Variants in KIF4A observed in about 807,000 individuals in gnomAD.
The protein encoded by KIF4A is chromosome-associated kinesin KIF4A.
KIF4A carries 7 observed loss-of-function variants against 105.9 expected under a neutral mutation model. The ratio of observed to expected loss-of-function variants is 0.07; its 90% CI spans 0.04 to 0.12. The LOEUF (loss-of-function observed/expected upper bound fraction) is 0.12, where lower values mean the gene tolerates loss of function less well. Ranked by LOEUF, KIF4A falls within the 10% of genes least tolerant of loss-of-function variation. The pLI is 1.00. For synonymous variants in KIF4A, 281 were observed against 331.3 expected (o/e 0.85, Z 1.65); for missense variants, 558 against 929.2 (o/e 0.60, Z 5.19).
intron 4 of KIF4A, among the ~76,000 whole-genome samples, chrX:70,297,479 G>A (rs893895705): frequency 1.8e-5 from 2 of 112,335 alleles, no homozygotes; most frequent in Non-Finnish European, 3.8e-5. Flanking sequence ...ATAGTCTGCA[G>A]AAGAGTGTTT....
At position 70,395,538 on chromosome X, in the gene KIF4A, G is replaced by A. The variant is rs184039118; in HGVS notation, c.2233-133G>A. On this transcript the variant is annotated intron_variant, in intron 20 of 30. Transcript: ENST00000374403. ...AGAGGTACTGACATTTTTGGTAAGT[G>A]TAGGTATGAATGGATATCACACTTG... The A allele has an allele frequency of 5.3e-4, 401 of 760,507 alleles. 1 individual carries two copies. Among genetic ancestry groups the A allele is most frequent in the Non-Finnish European group, 7.1e-4 (373 of 523,236 alleles). The allele number at this position is 760,507 out of a possible 1,213,427, so 62.7% of individuals were successfully genotyped here.
intron 8 of KIF4A, 52 bp downstream of exon 8, chrX:70,329,573 T>C (rs780996894): frequency 2.0e-6 from 2 of 987,958 alleles, no homozygotes; most frequent in South Asian, 2.0e-5. Flanking sequence ...ATGATAGTGC[T>C]GAGACAGCAA....
chrX:70,375,444 A>G, intron 17 of KIF4A, 96 bp downstream of exon 17: 1 of 865,927 alleles, frequency 1.2e-6, no homozygotes, highest in Non-Finnish European at 1.6e-6. Flanking sequence ...AGGTGAGAAA[A>G]TAGCAGGCAG....
At chrX:70,331,204 G>A (rs2085929139) in intron 9 of KIF4A, among the ~76,000 whole-genome samples, 1 of 111,344 alleles carries the variant, frequency 9.0e-6, no homozygotes, top group Admixed American at 9.6e-5. Context: ...GTTAATACAT[G>A]TAAAGCACTT....
chrX:70,379,792 GAAA>G (rs772896645), intron 18 of KIF4A, among the ~76,000 whole-genome samples: 1 of 67,953 alleles, frequency 1.5e-5, no homozygotes, highest in Non-Finnish European at 2.8e-5. Context: ...TTCTGTCTCA[GAAA>G]AAAAAAAAAA....
intron 10 of KIF4A, among the ~76,000 whole-genome samples, chrX:70,334,562 C>T (rs1462789272): frequency 1.8e-5 from 2 of 112,221 alleles, no homozygotes; most frequent in Non-Finnish European, 3.8e-5. Flanking sequence ...TAGCCTATAT[C>T]CCTGTGGGAA....
At chrX:70,327,552 A>C (rs2085915333) in intron 7 of KIF4A, among the ~76,000 whole-genome samples, 1 of 111,661 alleles carries the variant, frequency 9.0e-6, no homozygotes, top group Non-Finnish European at 1.9e-5. Context: ...CTTGTGGATA[A>C]CTTTCATCTC....
intron 20 of KIF4A, among the ~76,000 whole-genome samples, chrX:70,388,647 G>A (rs938661995): frequency 1.8e-5 from 2 of 111,819 alleles, no homozygotes; most frequent in Admixed American, 9.5e-5. Flanking sequence ...AATGACTAAT[G>A]ATGTTGGACA....
chrX:70,329,954 G>T (rs1354170230), intron 8 of KIF4A, among the ~76,000 whole-genome samples: 1 of 110,956 alleles, frequency 9.0e-6, no homozygotes, highest in Non-Finnish European at 1.9e-5. Context: ...TTGAGAAAGG[G>T]GACACATGCA....
At chrX:70,362,826 A>C (rs571493740) in intron 15 of KIF4A, among the ~76,000 whole-genome samples, 1 of 112,527 alleles carries the variant, frequency 8.9e-6, no homozygotes, top group South Asian at 3.7e-4. Flanking sequence ...GCCACTGCAC[A>C]AGGCCTGAAA....
chrX:70,392,541 A>C (rs944538293), intron 20 of KIF4A, among the ~76,000 whole-genome samples: 9 of 110,554 alleles, frequency 8.1e-5, no homozygotes, highest in African/African-American at 2.6e-4. Context: ...TATGCCTGTA[A>C]TATTGGCACT....
chrX:70,404,218 C>T (rs191402343), intron 24 of KIF4A, among the ~76,000 whole-genome samples, 184 bp downstream of exon 24: 2 of 112,186 alleles, frequency 1.8e-5, no homozygotes, highest in East Asian at 5.5e-4. Context: ...ATACCAGTGA[C>T]AATGGCTCTG....
At chrX:70,340,746 C>T (rs1351843521) in intron 10 of KIF4A, among the ~76,000 whole-genome samples, 1 of 111,278 alleles carries the variant, frequency 9.0e-6, no homozygotes, top group Non-Finnish European at 1.9e-5. Context: ...GGTGAGAGGG[C>T]ATCTACTCTA....
intron 28 of KIF4A, among the ~76,000 whole-genome samples, chrX:70,413,043 A>G (rs2147742618): frequency 8.9e-6 from 1 of 112,369 alleles, no homozygotes; most frequent in East Asian, 2.8e-4. Flanking sequence ...CTATCCTTTG[A>G]CCCAGTAATT....
At chrX:70,345,719 A>T (rs2085989844) in intron 13 of KIF4A, among the ~76,000 whole-genome samples, 1 of 111,546 alleles carries the variant, frequency 9.0e-6, no homozygotes, top group South Asian at 3.8e-4. Flanking sequence ...TATCCGGATA[A>T]CTGTTATTAT....
chrX:70,372,863 A>G (rs982993531), intron 15 of KIF4A, among the ~76,000 whole-genome samples: 7 of 112,794 alleles, frequency 6.2e-5, no homozygotes, highest in Non-Finnish European at 1.9e-5. Flanking sequence ...GGTAGGTGTT[A>G]TTATTAATTA....
rs141967854 is a variant in KIF4A, at chrX:70,402,006, A to G, written c.2490-560A>G. 3.1e-3 allele frequency among the ~76,000 whole-genome samples: 347 copies of G among 111,732 alleles called. 2 individuals carry two copies. Among genetic ancestry groups the G allele is most frequent in the African/African-American group, 0.011 (338 of 30,740 alleles). ...TTTGGTCTAGGACATACTTGATCAG[A>G]AAGTACCCAGAAGCTATAACCAGGG... On this transcript the variant is annotated intron_variant, in intron 22 of 30. Coordinates refer to ENST00000374403, the MANE Select transcript of KIF4A (RefSeq NM_012310.5).
chrX:70,342,271 A>T (rs1053057237), intron 11 of KIF4A, among the ~76,000 whole-genome samples: 1 of 112,342 alleles, frequency 8.9e-6, no homozygotes, highest in African/African-American at 3.2e-5. Context: ...AATACCAAGT[A>T]ACCATTCCTT....
At chrX:70,374,357 T>A in intron 16 of KIF4A, 103 bp downstream of exon 16, 1 of 463,415 alleles carries the variant, frequency 2.2e-6, no homozygotes, top group Non-Finnish European at 3.5e-6. Flanking sequence ...CCTAAAGATT[T>A]AAACCTAATT....
Sources: gnomAD v4.1 joint callset for allele counts (sites outside exome capture counted in the v4.1 genomes callset) on GRCh38, gnomAD v4.1.1 for gene constraint, MANE v1.5 for transcripts, NCBI Gene and HGNC (gene_info 2026-07-23, HGNC 2026-07-21) for gene names.